NEXMIF: variants seen among roughly 807,000 people sequenced by gnomAD.
NEXMIF encodes the protein XLMR protein related to neurite extension.
NEXMIF carries 8 observed loss-of-function variants against 62.1 expected under a neutral mutation model. The observed-to-expected ratio is 0.13, with a 90% CI of 0.08 to 0.23. The LOEUF is 0.23. Among genes scored for constraint, NEXMIF ranks in the 10% least tolerant of loss-of-function variants. The pLI, the probability that NEXMIF is intolerant of heterozygous loss-of-function variation, is 1.00. For missense variants in NEXMIF, 976 were observed against 1,113.3 expected (o/e 0.88, Z 1.75); for synonymous variants, 404 against 416.6 (o/e 0.97, Z 0.37).
At chrX:74,841,948 G>C (rs962750363) in intron 1 of NEXMIF, among the ~76,000 whole-genome samples, 1 of 111,568 alleles carries the variant, frequency 9.0e-6, no homozygotes, top group African/African-American at 3.3e-5. Flanking sequence ...TTCTTTTGCT[G>C]TTGTGTCTCC....
chrX:74,905,640 T>C (rs904020499), intron 1 of NEXMIF, among the ~76,000 whole-genome samples: 5 of 110,904 alleles, frequency 4.5e-5, no homozygotes, highest in Admixed American at 2.9e-4. Flanking sequence ...TAGAACCCCG[T>C]CTCTGCTAAA....
intron 1 of NEXMIF, among the ~76,000 whole-genome samples, chrX:74,911,474 C>T (rs1214221668): frequency 9.0e-6 from 1 of 111,702 alleles, no homozygotes; most frequent in Non-Finnish European, 1.9e-5. Flanking sequence ...GGATTTTGCT[C>T]CCATGATACC....
At chrX:74,769,182 C>A (rs1009447611) in intron 1 of NEXMIF, among the ~76,000 whole-genome samples, 17 of 110,074 alleles carry the variant, frequency 1.5e-4, no homozygotes, top group African/African-American at 4.6e-4. Flanking sequence ...AGGGTTCATG[C>A]CCTTAGCACC....
In NEXMIF at chrX:74,804,260, T is replaced by C. The variant is rs2080338706; in HGVS notation, c.-47-58563A>G. Among the ~76,000 whole-genome samples the C allele has an allele frequency of 3.6e-5, 4 of 112,517 alleles. 1 individual carries two copies. In the South Asian group the frequency reaches 1.5e-3, roughly 41 times the overall value. ...CAGCTTAAAATAATGGGTTAAAAGATAGTATTTGCAAGCCTCACCTAAGGT... is the reference window on the plus strand; with the variant it reads ...CAGCTTAAAATAATGGGTTAAAAGACAGTATTTGCAAGCCTCACCTAAGGT... On this transcript the variant is annotated intron_variant, in intron 1 of 3. Coordinates refer to ENST00000055682, the MANE Select transcript of NEXMIF (RefSeq NM_001008537.3).
chrX:74,816,028 T>C (rs2080375061), intron 1 of NEXMIF, among the ~76,000 whole-genome samples: 1 of 111,519 alleles, frequency 9.0e-6, no homozygotes, highest in African/African-American at 3.3e-5. Context: ...TGTCCACAAC[T>C]TAACACTGCT....
chrX:74,888,815 T>C (rs978586996), intron 1 of NEXMIF, among the ~76,000 whole-genome samples: 3 of 112,176 alleles, frequency 2.7e-5, no homozygotes, highest in East Asian at 5.6e-4. Context: ...CCTAGACGAA[T>C]AGTTCATTGT....
At chrX:74,744,735 G>C (rs1426980662) in intron 2 of NEXMIF, among the ~76,000 whole-genome samples, 1 of 111,767 alleles carries the variant, frequency 8.9e-6, no homozygotes, top group Non-Finnish European at 1.9e-5. Context: ...CCTCAGAAAT[G>C]AGAAAAGAAT....
intron 1 of NEXMIF, among the ~76,000 whole-genome samples, chrX:74,760,925 C>T (rs186291275): frequency 2.7e-4 from 29 of 109,121 alleles, no homozygotes; most frequent in East Asian, 8.6e-4. Flanking sequence ...TGGAGTGCAA[C>T]GGCAAAATCT....
rs2080079599 is a variant in NEXMIF at position 74,734,183 on chromosome X, C to T, written c.*5222G>A. 1 of 111,967 alleles carries T rather than the reference C, an allele frequency of 8.9e-6. No individual in the cohort carries two copies. Among genetic ancestry groups the T allele is most frequent in the East Asian group, 2.8e-4 (1 of 3,576 alleles). The allele number at this position is 111,967 out of a possible 1,213,427, so 9.2% of individuals were successfully genotyped here. A position where few individuals can be genotyped will look rare whatever the true frequency, so the allele number is the denominator to read the frequency against. ...ACTTAGGTTACATTCATAAAAAGGGCCTCTAACGCTTTTATTTTAAATTTT... is the reference window on the plus strand; with the variant it reads ...ACTTAGGTTACATTCATAAAAAGGGTCTCTAACGCTTTTATTTTAAATTTT... On this transcript the variant is annotated 3_prime_UTR_variant, in exon 4 of 4. Coordinates refer to ENST00000055682, the MANE Select transcript of NEXMIF (RefSeq NM_001008537.3).
intron 1 of NEXMIF, among the ~76,000 whole-genome samples, chrX:74,845,873 G>C (rs1340345826): frequency 9.0e-6 from 1 of 111,004 alleles, no homozygotes; most frequent in Non-Finnish European, 1.9e-5. Flanking sequence ...ATCAGCTCCT[G>C]AGAAAGGTAT....
chrX:74,906,048 T>C (rs948158550), intron 1 of NEXMIF, among the ~76,000 whole-genome samples: 5 of 109,057 alleles, frequency 4.6e-5, no homozygotes, highest in African/African-American at 6.7e-5. Context: ...CGTGGAAGGA[T>C]TGTTTGAGCC....
intron 1 of NEXMIF, among the ~76,000 whole-genome samples, chrX:74,820,900 C>CT (rs924957963): frequency 1.8e-5 from 2 of 110,992 alleles, no homozygotes; most frequent in African/African-American, 6.6e-5. Context: ...CATTGAGAAA[C>CT]TACCTATCGA....
At chrX:74,750,954 G>A (rs1025343282) in intron 1 of NEXMIF, among the ~76,000 whole-genome samples, 16 of 111,607 alleles carry the variant, frequency 1.4e-4, no homozygotes, top group African/African-American at 4.2e-4. Flanking sequence ...CTGGCTGGGC[G>A]TGGTGGTTCA....
At chrX:74,879,891 G>A (rs1166396770) in intron 1 of NEXMIF, among the ~76,000 whole-genome samples, 2 of 111,568 alleles carry the variant, frequency 1.8e-5, no homozygotes, top group African/African-American at 6.5e-5. Flanking sequence ...ATCACCTAAC[G>A]CTTGGGATTA....
At chrX:74,850,492 T>C (rs1299115616) in intron 1 of NEXMIF, among the ~76,000 whole-genome samples, 1 of 111,781 alleles carries the variant, frequency 8.9e-6, no homozygotes, top group Non-Finnish European at 1.9e-5. Context: ...AGGCCTACCA[T>C]TACCACAGTG....
intron 1 of NEXMIF, among the ~76,000 whole-genome samples, chrX:74,788,939 C>A (rs1377985819): frequency 9.0e-6 from 1 of 110,531 alleles, no homozygotes; most frequent in Non-Finnish European, 1.9e-5. Context: ...AAGAAGACAT[C>A]CCATTGATAT....
chrX:74,796,273 T>C (rs866683203), intron 1 of NEXMIF, among the ~76,000 whole-genome samples: 3 of 20,545 alleles, frequency 1.5e-4, no homozygotes, highest in South Asian at 3.0e-3. Flanking sequence ...ATTATATATA[T>C]ACATATATAT....
Position 74,810,035 on chromosome X carries a change from G to C in NEXMIF, c.-47-64338C>G, listed in dbSNP as rs1387758586. On this transcript the variant is annotated intron_variant, in intron 1 of 3. Transcript: ENST00000055682. Reference sequence around the variant, plus strand: ...AGGAAGAAACAAAATATATTAATATGGCTTTGGTATTCTTGAAAAAAGGAA... The same window carrying C: ...AGGAAGAAACAAAATATATTAATATCGCTTTGGTATTCTTGAAAAAAGGAA... Among the ~76,000 whole-genome samples, 5 of 111,740 alleles carry C rather than the reference G, an allele frequency of 4.5e-5. No homozygotes were observed. The East Asian group carries it at 1.4e-3, about 31-fold the overall frequency.
chrX:74,791,048 T>A (rs2080280422), intron 1 of NEXMIF, among the ~76,000 whole-genome samples: 1 of 110,746 alleles, frequency 9.0e-6, no homozygotes, highest in South Asian at 3.9e-4. Flanking sequence ...CATCCCTGTC[T>A]TGTGCCAGTT....
Sources: gnomAD v4.1 joint callset for allele counts (sites outside exome capture counted in the v4.1 genomes callset) on GRCh38, gnomAD v4.1.1 for gene constraint, MANE v1.5 for transcripts, NCBI Gene and HGNC (gene_info 2026-07-23, HGNC 2026-07-21) for gene names.